MYO5B: variants seen among roughly 807,000 people sequenced by gnomAD.
The protein encoded by MYO5B is myosin VB, also known as unconventional myosin-Vb.
A neutral mutation model predicts 229.3 loss-of-function variants in MYO5B; 143 were observed. The ratio of observed to expected loss-of-function variants is 0.62; its 90% confidence interval spans 0.54 to 0.72. MYO5B has a LOEUF of 0.72. MYO5B is among the 30% of genes least tolerant of loss of function. The pLI, the probability that MYO5B is intolerant of heterozygous loss-of-function variation, is 0.00. For missense variants in MYO5B, 2,321 were observed against 2,331.0 expected, an observed-to-expected ratio of 1.00 and a Z score of 0.09; for synonymous variants, 918 against 885.2, an observed-to-expected ratio of 1.04 and a Z score of -0.66.
chr18:49,901,044 A>C (rs542680346), intron 21 of MYO5B, among the ~76,000 whole-genome samples: 23 of 152,370 alleles, frequency 1.5e-4, no homozygotes, highest in African/African-American at 5.5e-4. Context: ...ATGATCTCAC[A>C]AAATTGTATG....
chr18:50,187,729 C>A (rs1439673712), intron 1 of MYO5B, among the ~76,000 whole-genome samples: 1 of 152,156 alleles, frequency 6.6e-6, no homozygotes, highest in Non-Finnish European at 1.5e-5. Flanking sequence ...GTTGTCCAGG[C>A]TAGTCTCGAA....
intron 1 of MYO5B, among the ~76,000 whole-genome samples, chr18:50,069,481 T>G (rs184181567): frequency 6.6e-6 from 1 of 152,278 alleles, no homozygotes; most frequent in Non-Finnish European, 1.5e-5. Flanking sequence ...CGTCCATTAG[T>G]CTACAGCTAG....
intron 1 of MYO5B, among the ~76,000 whole-genome samples, chr18:50,141,946 C>T (rs1404163159): frequency 6.6e-6 from 1 of 152,202 alleles, no homozygotes. Flanking sequence ...AAATCATCCA[C>T]ATACCATTTC....
In MYO5B at chr18:49,824,374, T is replaced by A. The variant is rs187978829; in HGVS notation, c.*2097A>T. ...TTTCTTAGGCTAAATGGACTATTCATAAGGTCCTTCCCTCCCCATTTATTC... is the reference window on the plus strand; with the variant it reads ...TTTCTTAGGCTAAATGGACTATTCAAAAGGTCCTTCCCTCCCCATTTATTC... On this transcript the variant is annotated 3_prime_UTR_variant, in exon 40 of 40. Transcript: ENST00000285039. 4 of 152,456 alleles carry A rather than the reference T, an allele frequency of 2.6e-5. No homozygotes were observed. Among genetic ancestry groups the A allele is most frequent in the African/African-American group, 9.6e-5 (4 of 41,608 alleles). 9.4% of individuals were successfully genotyped at this position (152,456 alleles called of 1,614,324 possible). A position where few individuals can be genotyped will look rare whatever the true frequency, so the allele number is the denominator to read the frequency against.
chr18:50,036,788 A>T, intron 4 of MYO5B, 62 bp downstream of exon 4: 1 of 1,591,828 alleles, frequency 6.3e-7, no homozygotes, highest in Non-Finnish European at 8.6e-7. Flanking sequence ...AGAGGAAGGT[A>T]AAAACTCCCC....
At chr18:50,069,679 A>G (rs2030906031) in intron 1 of MYO5B, among the ~76,000 whole-genome samples, 2 of 152,194 alleles carry the variant, frequency 1.3e-5, no homozygotes. Flanking sequence ...CAGGAAGCAC[A>G]GGGATTCTTA....
intron 27 of MYO5B, 65 bp downstream of exon 27, chr18:49,872,102 C>T: frequency 1.3e-6 from 2 of 1,497,784 alleles, no homozygotes; most frequent in East Asian, 2.3e-5. Context: ...TTCCTGATGC[C>T]CAGATTTGTC....
rs150317713 is a variant in MYO5B at position 49,845,084 on chromosome 18, G to A, written c.4460-1692C>T. 1.1e-3 allele frequency among the ~76,000 whole-genome samples: 164 copies of A among 152,176 alleles called. 3 individuals carry two copies. In the East Asian group the frequency reaches 0.022, roughly 21 times the overall value. Reference sequence around the variant, plus strand: ...AAGGGTCATCTCATGCTGATGGCAGGGTTTTCTCTGTAAAAACCCTGGCAA... The same window carrying A: ...AAGGGTCATCTCATGCTGATGGCAGAGTTTTCTCTGTAAAAACCCTGGCAA... On this transcript the variant is annotated intron_variant, in intron 33 of 39. Coordinates refer to ENST00000285039, the MANE Select transcript of MYO5B (RefSeq NM_001080467.3).
chr18:49,955,852 T>C (rs745786596), intron 12 of MYO5B, among the ~76,000 whole-genome samples: 1 of 152,196 alleles, frequency 6.6e-6, no homozygotes, highest in Non-Finnish European at 1.5e-5. Flanking sequence ...CTTCCCAGTA[T>C]GGCTGTCAGG....
At chr18:50,194,686 G>A in intron 1 of MYO5B, 81 bp downstream of exon 1, 2 of 1,033,704 alleles carry the variant, frequency 1.9e-6, no homozygotes, top group South Asian at 1.5e-5. Flanking sequence ...CAGTAGCCGA[G>A]GGAGAAGGCG....
chr18:50,055,299 T>C lies in MYO5B; in HGVS notation c.107A>G (p.Lys36Arg). 1.3e-6 allele frequency: 2 copies of C among 1,514,430 alleles called. No homozygotes were observed. Among genetic ancestry groups the C allele is most frequent in the Non-Finnish European group, 1.8e-6 (2 of 1,118,702 alleles). 93.8% of individuals were successfully genotyped at this position (1,514,430 alleles called of 1,614,324 possible). A position where few individuals can be genotyped will look rare whatever the true frequency, so the allele number is the denominator to read the frequency against. The change falls in exon 2 of 40, where the codon AAG becomes AGG. Residue 36 changes from lysine (K) to arginine (R), a missense_variant. Transcript: ENST00000285039. ...ATCCTCCAGTCTGAGCTGTAGGCTCTTGTCTCCTTCTTTGTAGTCCTTGGT... is the reference window on the plus strand; with the variant it reads ...ATCCTCCAGTCTGAGCTGTAGGCTCCTGTCTCCTTCTTTGTAGTCCTTGGT... ...ELTKDYKEGD[K>R]SLQLRLEDET...
At chr18:50,194,550 C>CGGGT (rs1312540231) in intron 1 of MYO5B, among the ~76,000 whole-genome samples, 3 of 152,188 alleles carry the variant, frequency 2.0e-5, no homozygotes, top group Non-Finnish European at 2.9e-5. Context: ...CTCTAGGAGC[C>CGGGT]GGGTGGCCGG....
chr18:50,166,508 T>C (rs140653504), intron 1 of MYO5B, among the ~76,000 whole-genome samples: 102 of 152,336 alleles, frequency 6.7e-4, no homozygotes, highest in Non-Finnish European at 1.2e-3. Flanking sequence ...TAGGCTATTA[T>C]AGTAGACCTT....
At chr18:50,028,968 C>A (rs2026360680) in intron 4 of MYO5B, among the ~76,000 whole-genome samples, 1 of 152,176 alleles carries the variant, frequency 6.6e-6, no homozygotes, top group Non-Finnish European at 1.5e-5. Flanking sequence ...GCAAAGGAAA[C>A]TGCCTCTCCT....
At chr18:49,925,344 C>T (rs545540514) in intron 17 of MYO5B, among the ~76,000 whole-genome samples, 1 of 152,228 alleles carries the variant, frequency 6.6e-6, no homozygotes, top group African/African-American at 2.4e-5. Context: ...TCCCACTTGT[C>T]TGAACCAAAC....
intron 1 of MYO5B, among the ~76,000 whole-genome samples, chr18:50,154,886 T>C (rs2032655543): frequency 6.6e-6 from 1 of 152,210 alleles, no homozygotes; most frequent in African/African-American, 2.4e-5. Flanking sequence ...CTACCTGACA[T>C]TGGCTGTTAT....
At chr18:50,048,353 G>T (rs771597859) in intron 2 of MYO5B, among the ~76,000 whole-genome samples, 27 of 152,214 alleles carry the variant, frequency 1.8e-4, no homozygotes, top group African/African-American at 6.0e-4. Context: ...TTATGAGGAA[G>T]TAGCAAATTA....
At chr18:49,922,549 AAC>A (rs1382186515) in intron 17 of MYO5B, among the ~76,000 whole-genome samples, 1 of 152,132 alleles carries the variant, frequency 6.6e-6, no homozygotes, top group African/African-American at 2.4e-5. Flanking sequence ...AGTGACACAA[AAC>A]ACAGTGCCTC....
chr18:49,872,086 C>G, intron 27 of MYO5B, 81 bp downstream of exon 27: 2 of 1,310,516 alleles, frequency 1.5e-6, no homozygotes, highest in African/African-American at 2.9e-5. Context: ...GGGCTCAGGG[C>G]CTGATTTCCT....
Sources: allele counts gnomAD v4.1 joint callset (sites outside exome capture counted in the v4.1 genomes callset), GRCh38; gene constraint gnomAD v4.1.1; transcripts MANE v1.5; gene names NCBI Gene and HGNC (gene_info 2026-07-23, HGNC 2026-07-21).